DRC11: variants seen among roughly 807,000 people sequenced by gnomAD.
DRC11 encodes the protein dynein regulatory complex subunit 11.
chr2:236,463,103 G>A, the DRC11 span, among the ~76,000 whole-genome samples: 1 of 152,144 alleles, frequency 6.6e-6, no homozygotes, highest in Non-Finnish European at 1.5e-5. This position sits in a 1 kb window ranked among gnomAD's most constrained non-coding sequence, Gnocchi z 5.0. Flanking sequence ...TTTAAAGAAC[G>A]AAAGCATTGG....
the DRC11 span, chr2:236,419,404 AC>A: frequency 7.4e-7 from 1 of 1,359,502 alleles, no homozygotes; most frequent in African/African-American, 1.5e-5. The surrounding 1 kb of genome is among the most constrained non-coding windows in gnomAD (Gnocchi z 4.8). Flanking sequence ...CTGCAGGCCG[AC>A]CCCTTCTGGG....
the DRC11 span, among the ~76,000 whole-genome samples, chr2:236,476,233 C>A: frequency 6.6e-6 from 1 of 152,022 alleles, no homozygotes. This position sits in a 1 kb window ranked among gnomAD's most constrained non-coding sequence, Gnocchi z 4.7. Flanking sequence ...GTGTCCTCTC[C>A]AATTTTTTCA....
At chr2:236,491,123 GTATA>G in the DRC11 span, among the ~76,000 whole-genome samples, 3 of 57,340 alleles carry the variant, frequency 5.2e-5, no homozygotes, top group East Asian at 4.3e-4. Context: ...TATACAGTGT[GTATA>G]TATATATATA....
chr2:236,432,418 G>C, the DRC11 span, among the ~76,000 whole-genome samples: 1 of 152,016 alleles, frequency 6.6e-6, no homozygotes, highest in African/African-American at 2.4e-5. Flanking sequence ...CAAAAGTTTT[G>C]CATTTTGTTG....
chr2:236,476,990 A>C, the DRC11 span, among the ~76,000 whole-genome samples: 11 of 151,992 alleles, frequency 7.2e-5, no homozygotes, highest in African/African-American at 2.7e-4. The surrounding 1 kb of genome is among the most constrained non-coding windows in gnomAD (Gnocchi z 4.7). Flanking sequence ...TTTTTAAAGC[A>C]TTGTTGAATT....
chr2:236,430,871 G>GT, the DRC11 span, among the ~76,000 whole-genome samples: 458 of 151,598 alleles, frequency 3.0e-3, 3 homozygotes, highest in African/African-American at 0.011. This position sits in a 1 kb window ranked among gnomAD's most constrained non-coding sequence, Gnocchi z 6.0. Flanking sequence ...AGTCGCTTTT[G>GT]TTTTTTCAAG....
chr2:236,503,493 C>T, the DRC11 span: 1 of 880,244 alleles, frequency 1.1e-6, no homozygotes, highest in Admixed American at 2.1e-5. The surrounding 1 kb of genome is among the most constrained non-coding windows in gnomAD (Gnocchi z 4.9). Flanking sequence ...GTGGCTTGAG[C>T]CTTCCGGGTC....
chr2:236,459,555 G>A, the DRC11 span, among the ~76,000 whole-genome samples: 168 of 118,900 alleles, frequency 1.4e-3, no homozygotes, highest in African/African-American at 2.2e-3. Context: ...ACGTATACAT[G>A]TATACGTATA....
chr2:236,408,409 A>G, the DRC11 span: 1 of 740,538 alleles, frequency 1.4e-6, no homozygotes. The surrounding 1 kb of genome is among the most constrained non-coding windows in gnomAD (Gnocchi z 5.5). Context: ...GCCCTTGGTC[A>G]CCTTGAAGAC....
chr2:236,370,259 C>T, the DRC11 span, among the ~76,000 whole-genome samples: 12 of 152,206 alleles, frequency 7.9e-5, no homozygotes, highest in South Asian at 4.1e-4. The surrounding 1 kb of genome is among the most constrained non-coding windows in gnomAD (Gnocchi z 5.5). Flanking sequence ...AGCTGAATGC[C>T]GTGCAGGTGC....
chr2:236,501,753 C>T, the DRC11 span, among the ~76,000 whole-genome samples: 3 of 152,162 alleles, frequency 2.0e-5, no homozygotes, highest in Non-Finnish European at 4.4e-5. Flanking sequence ...GCTCAAGTTG[C>T]TTTGTGAGCT....
chr2:236,320,981 T>C, the DRC11 span, among the ~76,000 whole-genome samples: 1 of 152,236 alleles, frequency 6.6e-6, no homozygotes, highest in African/African-American at 2.4e-5. Flanking sequence ...GGATGGCCAA[T>C]AGGCTCAGTT....
the DRC11 span, among the ~76,000 whole-genome samples, chr2:236,441,892 C>T: frequency 1.3e-5 from 2 of 152,022 alleles, no homozygotes; most frequent in African/African-American, 2.4e-5. Context: ...TTGAGGATCC[C>T]AAAGAGTTTT....
At chr2:236,504,651 G>A in the DRC11 span, among the ~76,000 whole-genome samples, 3 of 152,062 alleles carry the variant, frequency 2.0e-5, no homozygotes, top group African/African-American at 4.8e-5. The surrounding 1 kb of genome is among the most constrained non-coding windows in gnomAD (Gnocchi z 5.0). Flanking sequence ...GCTGTGTCCC[G>A]ACCCAAATCT....
At chr2:236,401,453 C>G in the DRC11 span, among the ~76,000 whole-genome samples, 1 of 152,208 alleles carries the variant, frequency 6.6e-6, no homozygotes, top group Admixed American at 6.5e-5. The surrounding 1 kb of genome is among the most constrained non-coding windows in gnomAD (Gnocchi z 4.6). Context: ...ACCCCGCCAG[C>G]CCTGGGGCCT....
At chr2:236,363,075 G>T in the DRC11 span, among the ~76,000 whole-genome samples, 1 of 152,202 alleles carries the variant, frequency 6.6e-6, no homozygotes, top group African/African-American at 2.4e-5. This position sits in a 1 kb window ranked among gnomAD's most constrained non-coding sequence, Gnocchi z 5.6. Flanking sequence ...TTGCCACCAT[G>T]TAGGCTTTGA....
the DRC11 span, among the ~76,000 whole-genome samples, chr2:236,431,710 A>G: frequency 6.6e-6 from 1 of 152,338 alleles, no homozygotes; most frequent in African/African-American, 2.4e-5. This position sits in a 1 kb window ranked among gnomAD's most constrained non-coding sequence, Gnocchi z 4.2. Context: ...ATAATGTTTC[A>G]GTATGGCATA....
At chr2:236,399,947 G>A in the DRC11 span, among the ~76,000 whole-genome samples, 1 of 152,040 alleles carries the variant, frequency 6.6e-6, no homozygotes, top group Non-Finnish European at 1.5e-5. The surrounding 1 kb of genome is among the most constrained non-coding windows in gnomAD (Gnocchi z 7.0). Context: ...GAACTCCTAA[G>A]CTCAGGCAAT....
chr2:236,505,782 C>A, the DRC11 span, among the ~76,000 whole-genome samples: 125 of 152,264 alleles, frequency 8.2e-4, no homozygotes, highest in African/African-American at 3.0e-3. Context: ...TGTCCTCTCA[C>A]TACCAACGAT....
Sources: gnomAD v4.1 joint callset for allele counts (sites outside exome capture counted in the v4.1 genomes callset) on GRCh38, gnomAD v4.1.1 for gene constraint, Gnocchi (gnomAD v3.1) non-coding constraint, MANE v1.5 for transcripts, NCBI Gene and HGNC (gene_info 2026-07-23, HGNC 2026-07-21) for gene names.